Variants in JMJD7 observed in about 807,000 individuals in gnomAD.
JMJD7 encodes the protein bifunctional peptidase and (3S)-lysyl hydroxylase JMJD7.
JMJD7 carries 41 observed loss-of-function variants against 41.1 expected under a neutral mutation model. That is an observed-to-expected ratio of 1.00 (90% CI 0.78 to 1.30). The LOEUF (loss-of-function observed/expected upper bound fraction) is 1.30. Among genes scored for constraint, JMJD7 ranks in the 50% most tolerant of loss-of-function variants. The pLI is 0.00. For synonymous variants in JMJD7, 202 were observed against 177.2 expected, an observed-to-expected ratio of 1.14 and a Z score of -1.11; for missense variants, 480 against 420.7, an observed-to-expected ratio of 1.14 and a Z score of -1.23.
At chr15:41,834,940 T>C in intron 2 of JMJD7, 30 bp from the exon 3 acceptor site, 2 of 1,613,444 alleles carry the variant, frequency 1.2e-6, no homozygotes, top group Middle Eastern at 1.7e-4. Flanking sequence ...TACTGGCATC[T>C]GGGCATGGGC....
intron 1 of JMJD7, among the ~76,000 whole-genome samples, chr15:41,834,252 A>G (rs2065275944): frequency 6.6e-6 from 1 of 152,376 alleles, no homozygotes; most frequent in South Asian, 2.1e-4. Context: ...GCCCCAGATT[A>G]GCCAAGCCAA....
rs753157451 is a variant in JMJD7 at position 41,835,599 on chromosome 15, G to A, written c.484G>A (p.Asp162Asn). The change falls in exon 4 of 8, where the codon GAT (aspartate) becomes AAT (asparagine). Residue 162 changes from aspartate to asparagine, a missense_variant. By Grantham distance (23) the Asp-to-Asn change is conservative. Coordinates refer to ENST00000397299, the MANE Select transcript of JMJD7 (RefSeq NM_001114632.2). ...CTTCTGCCCTGCAGGAAAGATGCCC[G>A]ATGCTGTGAACTTCTGGCTGGGGGA... Reference protein sequence around the residue: ...WASEALGKMPDAVNFWLGEAA... With the variant: ...WASEALGKMPNAVNFWLGEAA... The A allele has an allele frequency of 5.6e-5, 90 of 1,613,706 alleles. No homozygotes were observed. The highest frequency in any genetic ancestry group is 7.2e-5 in the Non-Finnish European group (85 of 1,179,864).
At position 41,834,831 on chromosome 15, in the gene JMJD7, C is replaced by G. The variant is rs778682691; in HGVS notation, c.156C>G (p.Cys52Trp). 38 of 1,614,118 alleles carry G rather than the reference C, an allele frequency of 2.4e-5. No homozygotes were observed. Among genetic ancestry groups the G allele is most frequent in the South Asian group, 3.3e-5 (3 of 91,092 alleles). The change falls in exon 2 of 8, where the codon TGC becomes TGG. Residue 52 changes from cysteine (C) to tryptophan (W), a missense_variant. Cys to Trp is a radical substitution (Grantham distance 215). Coordinates refer to ENST00000397299, the MANE Select transcript of JMJD7 (RefSeq NM_001114632.2). ...YRDWVCPNRP[C>W]IIRNALQHWP... ...ACTGGGTCTGCCCCAACAGGCCGTGCATTATCCGCAACGCTCTGCAGCACT... is the reference window on the plus strand; with the variant it reads ...ACTGGGTCTGCCCCAACAGGCCGTGGATTATCCGCAACGCTCTGCAGCACT...
In JMJD7 at chr15:41,828,289, C is replaced by T. The variant is rs1039164436; in HGVS notation, c.64+101C>T. ...TCGGAACCTCGTGTGTGCGACTGCCCTGAGGCCCCGCTCGGGTTGCTCTTC... is the reference window on the plus strand; with the variant it reads ...TCGGAACCTCGTGTGTGCGACTGCCTTGAGGCCCCGCTCGGGTTGCTCTTC... On this transcript the variant is annotated intron_variant, in intron 1 of 7. Coordinates refer to ENST00000397299, the MANE Select transcript of JMJD7 (RefSeq NM_001114632.2). The T allele has an allele frequency of 3.0e-6, 4 of 1,349,074 alleles. No homozygotes were observed. The African/African-American group carries it at 6.2e-5, about 21-fold the overall frequency. 83.6% of individuals were successfully genotyped at this position (1,349,074 alleles called of 1,614,324 possible).
At chr15:41,828,382 G>T in intron 1 of JMJD7, 194 bp downstream of exon 1, 1 of 617,030 alleles carries the variant, frequency 1.6e-6, no homozygotes, top group East Asian at 3.5e-5. Flanking sequence ...TTCTGTTCAC[G>T]TTGTTCCCAA....
At chr15:41,829,710 G>T (rs571878990) in intron 1 of JMJD7, among the ~76,000 whole-genome samples, 2 of 152,210 alleles carry the variant, frequency 1.3e-5, no homozygotes, top group Admixed American at 1.3e-4. Context: ...GAAATGGTGA[G>T]CAAGTAAAAC....
In JMJD7 at chr15:41,836,957, G is replaced by A. The variant is rs768597972; in HGVS notation, c.862+17G>A. 5.6e-6 allele frequency: 9 copies of A among 1,611,150 alleles called. No individual in the cohort carries two copies. The highest frequency in any genetic ancestry group is 7.6e-6 in the Non-Finnish European group (9 of 1,177,788). On this transcript the variant is annotated intron_variant, in intron 7 of 7. Transcript: ENST00000397299. ...GCATCGCAGGTGAAGAGTTGCCCAG[G>A]CCGCCTGGGGAGAGGCCCTGTCAAG...
In JMJD7 at chr15:41,836,248, G is replaced by A; in HGVS notation, c.625+5G>A. The A allele has an allele frequency of 6.2e-7, 1 of 1,612,468 alleles. No individual in the cohort carries two copies. The highest frequency in any genetic ancestry group is 8.5e-7 in the Non-Finnish European group (1 of 1,179,340). Reference sequence around the variant, plus strand: ...ACCGGCCCTTCATCCCCTATGGTAGGGGATGTGGCCTGCAGGGAGGGGCTG... The same window carrying A: ...ACCGGCCCTTCATCCCCTATGGTAGAGGATGTGGCCTGCAGGGAGGGGCTG... On this transcript the variant is annotated splice_donor_5th_base_variant and intron_variant, in intron 5 of 7. Coordinates refer to ENST00000397299, the MANE Select transcript of JMJD7 (RefSeq NM_001114632.2).
At chr15:41,830,584 T>A (rs529373316) in intron 1 of JMJD7, among the ~76,000 whole-genome samples, 1 of 152,134 alleles carries the variant, frequency 6.6e-6, no homozygotes, top group Non-Finnish European at 1.5e-5. Flanking sequence ...TCTTGGGAGC[T>A]AGGAGCAGGC....
chr15:41,830,066 G>A (rs569852764), intron 1 of JMJD7, among the ~76,000 whole-genome samples: 1 of 152,260 alleles, frequency 6.6e-6, no homozygotes, highest in South Asian at 2.1e-4. Flanking sequence ...GAGCAGCAGT[G>A]GTGGTAGTGA....
At position 41,837,151 on chromosome 15, in the gene JMJD7, G is replaced by A; in HGVS notation, c.946G>A (p.Asp316Asn). The change falls in exon 8 of 8, where the codon GAC (aspartate) becomes AAC (asparagine). Residue 316 changes from aspartate (D) to asparagine (N), a missense_variant. Physicochemically the swap from Asp to Asn is conservative, Grantham distance 23. Transcript: ENST00000397299. ...CTCCCTCACCAAGGCTTCAGGCCTT[G>A]ACTGATGGAGCACTGGTGAACACCA... ...LDSLTKASGL[D>N] 6.2e-7 allele frequency: 1 copy of A among 1,608,754 alleles called. No homozygotes were observed. The highest frequency in any genetic ancestry group is 8.5e-7 in the Non-Finnish European group (1 of 1,176,466).
intron 1 of JMJD7, among the ~76,000 whole-genome samples, chr15:41,833,410 ATATATTTTTT>A (rs2065259803): frequency 7.6e-5 from 3 of 39,714 alleles, no homozygotes; most frequent in African/African-American, 2.2e-4. Context: ...ATATATATAT[ATATATTTTTT>A]TTTTTTTTTT....
At position 41,836,853 on chromosome 15, in the gene JMJD7, C is replaced by T. The variant is rs1292591313; in HGVS notation, c.775C>T (p.Leu259Phe). The stretch of plus-strand genomic sequence containing the variant: ...CCCTAGTTACAGTCAGGCCCAGGCC[C>T]TTCGCTGCACGGTGCGGGCCGGTGA... Reference protein sequence around the residue: ...RYPSYSQAQALRCTVRAGEML... With the variant: ...RYPSYSQAQAFRCTVRAGEML... The change falls in exon 7 of 8, where the codon CTT (leucine) becomes TTT (phenylalanine). Residue 259 changes from leucine (L) to phenylalanine (F), a missense_variant. Coordinates refer to ENST00000397299, the MANE Select transcript of JMJD7 (RefSeq NM_001114632.2). 4 of 1,613,168 alleles carry T rather than the reference C, an allele frequency of 2.5e-6. No homozygotes were observed. The highest frequency in any genetic ancestry group is 1.1e-5 in the South Asian group (1 of 91,026).
intron 1 of JMJD7, chr15:41,828,965 A>G (rs1461914232): frequency 6.6e-6 from 1 of 152,244 alleles, no homozygotes; most frequent in East Asian, 1.9e-4. Context: ...GGTCATGTCC[A>G]ATCCGTTGTT....
intron 4 of JMJD7, chr15:41,835,911 A>G: frequency 1.7e-6 from 1 of 576,204 alleles, no homozygotes; most frequent in Non-Finnish European, 2.9e-6. Context: ...GGGTAAGTGT[A>G]GGAGAACTTC....
rs1394050951 is a variant in JMJD7, at chr15:41,833,420, T to A, written c.65-1320T>A. Reference sequence around the variant, plus strand: ...TATATATATATATATATATATTTTTTTTTTTTTTTTTTTTTTTTGAGATAA... The same window carrying A: ...TATATATATATATATATATATTTTTATTTTTTTTTTTTTTTTTTGAGATAA... On this transcript the variant is annotated intron_variant, in intron 1 of 7. Coordinates refer to ENST00000397299, the MANE Select transcript of JMJD7 (RefSeq NM_001114632.2). Among the ~76,000 whole-genome samples, 364 of 76,360 alleles carry A rather than the reference T, an allele frequency of 4.8e-3. 3 individuals carry two copies. The highest frequency in any genetic ancestry group is 0.014 in the African/African-American group (319 of 22,150). 50.1% of individuals were successfully genotyped at this position (76,360 alleles called of 152,430 possible). A position where few individuals can be genotyped will look rare whatever the true frequency, so the allele number is the denominator to read the frequency against.
At chr15:41,833,389 AATACAT>A (rs1269534416) in intron 1 of JMJD7, among the ~76,000 whole-genome samples, 3 of 103,518 alleles carry the variant, frequency 2.9e-5, no homozygotes, top group African/African-American at 1.1e-4. Context: ...ATGTAGGTGA[AATACAT>A]ATATATATAT....
chr15:41,830,419 T>C (rs1206842), intron 1 of JMJD7, among the ~76,000 whole-genome samples: 130,444 of 152,298 alleles, frequency 0.86, 56,821 homozygotes, highest in African/African-American at 0.93. Context: ...GGGGAAAACG[T>C]GAAGAGGAGA....
chr15:41,831,226 G>C (rs1282354101), intron 1 of JMJD7, among the ~76,000 whole-genome samples: 2 of 152,168 alleles, frequency 1.3e-5, no homozygotes, highest in African/African-American at 4.8e-5. Flanking sequence ...TCTCTGCTGA[G>C]AGCTGGAGAG....
Sources: gnomAD v4.1 joint callset for allele counts (sites outside exome capture counted in the v4.1 genomes callset) on GRCh38, gnomAD v4.1.1 for gene constraint, MANE v1.5 for transcripts, NCBI Gene and HGNC (gene_info 2026-07-23, HGNC 2026-07-21) for gene names.